DENND2D: variants seen among roughly 807,000 people sequenced by gnomAD.
DENND2D encodes DENN domain containing 2D.
A neutral mutation model predicts 59.8 loss-of-function variants in DENND2D; 37 were observed. The ratio of observed to expected loss-of-function variants is 0.62; its 90% CI spans 0.48 to 0.81. The LOEUF (loss-of-function observed/expected upper bound fraction) is 0.81, where lower values mean the gene tolerates loss of function less well. Among genes scored for constraint, DENND2D ranks in the 40% least tolerant of loss-of-function variants. The pLI is 0.00. For synonymous variants in DENND2D, 219 were observed against 211.3 expected (o/e 1.04, Z -0.31); for missense variants, 525 against 579.7 (o/e 0.91, Z 0.97).
chr1:111,194,522 C>A, intron 7 of DENND2D, 56 bp downstream of exon 7: 1 of 1,599,456 alleles, frequency 6.3e-7, no homozygotes, highest in Non-Finnish European at 8.5e-7. Context: ...CAGTCTGTTC[C>A]CTTGAACCCA....
chr1:111,201,487 G>C (rs879303827), upstream of DENND2D: 1 of 152,330 alleles, frequency 6.6e-6, no homozygotes, highest in African/African-American at 2.4e-5. Flanking sequence ...GCCTTCCTCC[G>C]GGTCAGGCCA....
At chr1:111,198,166 T>C (rs1273957780) in intron 3 of DENND2D, among the ~76,000 whole-genome samples, 177 bp from the exon 4 acceptor site, 1 of 152,196 alleles carries the variant, frequency 6.6e-6, no homozygotes, top group African/African-American at 2.4e-5. Flanking sequence ...TCAAAACAAC[T>C]CTTTGAGGTA....
Position 111,200,299 on chromosome 1 carries a change from T to C in DENND2D, c.67+94A>G, listed in dbSNP as rs1571202182. 26 of 1,508,038 alleles carry C rather than the reference T, an allele frequency of 1.7e-5. No homozygotes were observed. The East Asian group carries it at 4.7e-4, about 28-fold the overall frequency. The allele number at this position is 1,508,038 out of a possible 1,614,324, so 93.4% of individuals were successfully genotyped here. A position where few individuals can be genotyped will look rare whatever the true frequency, so the allele number is the denominator to read the frequency against. ...GGGGAACCATGTGGAGGCCGAGATA[T>C]AAAGGAAGAGGAGGAAGGAGCATTT... is the stretch of plus-strand genomic sequence containing the variant. On this transcript the variant is annotated intron_variant, in intron 1 of 11. Coordinates refer to ENST00000357640, the MANE Select transcript of DENND2D (RefSeq NM_024901.5).
At chr1:111,203,470 G>A (rs778241869), upstream of DENND2D, among the ~76,000 whole-genome samples, 4 of 152,266 alleles carry the variant, frequency 2.6e-5, no homozygotes, top group Non-Finnish European at 5.9e-5. Flanking sequence ...CCATAGGACT[G>A]GCTAGTGGTA....
At chr1:111,196,146 G>C in intron 5 of DENND2D, 90 bp from the exon 6 acceptor site, 1 of 1,470,352 alleles carries the variant, frequency 6.8e-7, no homozygotes, top group Non-Finnish European at 9.0e-7. Flanking sequence ...GCGTCATAAT[G>C]TTCTCATACT....
At chr1:111,187,865 C>G (rs1423897166) in intron 11 of DENND2D, among the ~76,000 whole-genome samples, 184 bp from the exon 12 acceptor site, 1 of 152,184 alleles carries the variant, frequency 6.6e-6, no homozygotes, top group Non-Finnish European at 1.5e-5. Context: ...AGCCCATAAA[C>G]AGAGGATACT....
Position 111,200,508 on chromosome 1 carries a change from A to G in DENND2D, c.-49T>C. On this transcript the variant is annotated 5_prime_UTR_variant, in exon 1 of 12. Coordinates refer to ENST00000357640, the MANE Select transcript of DENND2D (RefSeq NM_024901.5). Reference sequence around the variant, plus strand: ...GACTCCCCTCTCCCCTAACACAGACAGACTGGTGACAGTAAGCCTGAGAAA... The same window carrying G: ...GACTCCCCTCTCCCCTAACACAGACGGACTGGTGACAGTAAGCCTGAGAAA... 9 of 1,571,550 alleles carry G rather than the reference A, an allele frequency of 5.7e-6. No homozygotes were observed. Among genetic ancestry groups the G allele is most frequent in the Non-Finnish European group, 7.8e-6 (9 of 1,158,100 alleles).
rs116821024 is a variant in DENND2D at position 111,196,640 on chromosome 1, C to T, written c.504+536G>A. ...CTGGTCACCAGTGGATGGCATGGCC[C>T]CCATGGATTCTGCTCAAATTCTGTC... On this transcript the variant is annotated intron_variant, in intron 5 of 11. Coordinates refer to ENST00000357640, the MANE Select transcript of DENND2D (RefSeq NM_024901.5). 1,048 of 161,082 alleles carry T rather than the reference C, an allele frequency of 6.5e-3. 2 individuals carry two copies. The highest frequency in any genetic ancestry group is 9.7e-3 in the Non-Finnish European group (706 of 72,456). 10.0% of individuals were successfully genotyped at this position (161,082 alleles called of 1,614,324 possible).
chr1:111,194,780 A>C (rs116006110), intron 6 of DENND2D, 54 bp from the exon 7 acceptor site: 3 of 1,591,172 alleles, frequency 1.9e-6, no homozygotes, highest in Admixed American at 1.7e-5. Context: ...GATCATGCAG[A>C]CCCCGAGGTG....
intron 6 of DENND2D, chr1:111,195,036 T>G (rs566080791): frequency 1.9e-5 from 7 of 363,368 alleles, no homozygotes; most frequent in Non-Finnish European, 2.0e-5. Context: ...GTGAGGGCCC[T>G]CCTCCTGCAC....
Position 111,195,915 on chromosome 1 carries a change from C to T in DENND2D, c.645+1G>A. 1 of 1,614,078 alleles carries T rather than the reference C, an allele frequency of 6.2e-7. No homozygotes were observed. The highest frequency in any genetic ancestry group is 8.5e-7 in the Non-Finnish European group (1 of 1,179,984). The stretch of plus-strand genomic sequence containing the variant: ...AGGTCTCACCCATTTTGCTAACCCA[C>T]CTCAGTGCCTGAGTCGGGGATGAAG... On this transcript the variant is annotated splice_donor_variant, in intron 6 of 11. Coordinates refer to ENST00000357640, the MANE Select transcript of DENND2D (RefSeq NM_024901.5). LOFTEE classifies it high-confidence loss of function.
chr1:111,189,297 T>C, intron 8 of DENND2D, 44 bp from the exon 9 acceptor site: 2 of 1,609,422 alleles, frequency 1.2e-6, no homozygotes, highest in Non-Finnish European at 1.7e-6. Context: ...TCTTTCTTCA[T>C]AGACCCCCAG....
Position 111,189,418 on chromosome 1 carries a change from TC to T in DENND2D, c.973-166del, listed in dbSNP as rs1422105336. 7 of 692,676 alleles carry T rather than the reference TC, an allele frequency of 1.0e-5. No homozygotes were observed. In the East Asian group the frequency reaches 1.4e-4, roughly 14 times the overall value. The allele number at this position is 692,676 out of a possible 1,614,324, so 42.9% of individuals were successfully genotyped here. On this transcript the variant is annotated intron_variant, in intron 8 of 11. Transcript: ENST00000357640. Reference sequence around the variant, plus strand: ...ATCTAGCATTCTCCTTTCTCACCATTCCCCTCTGGAGATCTCAGTTCCATTC... The same window carrying T: ...ATCTAGCATTCTCCTTTCTCACCATTCCCTCTGGAGATCTCAGTTCCATTC...
intron 8 of DENND2D, 145 bp from the exon 9 acceptor site, chr1:111,189,398 G>A: frequency 2.6e-6 from 2 of 772,404 alleles, no homozygotes. Flanking sequence ...TTCCTATCTA[G>A]CATTCTCCTT....
Position 111,188,443 on chromosome 1 carries a change from G to A in DENND2D, c.1100-73C>T. On this transcript the variant is annotated intron_variant, in intron 10 of 11. Coordinates refer to ENST00000357640, the MANE Select transcript of DENND2D (RefSeq NM_024901.5). Reference sequence around the variant, plus strand: ...TTACCCAAACTCACCTTCAAGAATGGCTTTCTTGCAGGCGGAAAGCTCCTG... The same window carrying A: ...TTACCCAAACTCACCTTCAAGAATGACTTTCTTGCAGGCGGAAAGCTCCTG... 18 of 1,573,976 alleles carry A rather than the reference G, an allele frequency of 1.1e-5. 1 individual carries two copies. The highest frequency in any genetic ancestry group is 1.5e-5 in the Non-Finnish European group (17 of 1,158,676).
Position 111,189,238 on chromosome 1 carries a change from G to T in DENND2D, c.988C>A (p.Leu330Ile). 6.2e-7 allele frequency: 1 copy of T among 1,614,182 alleles called. No individual in the cohort carries two copies. The highest frequency in any genetic ancestry group is 8.5e-7 in the Non-Finnish European group (1 of 1,180,026). The change falls in exon 9 of 12, where the codon CTT (leucine) becomes ATT (isoleucine). Residue 330 changes from leucine (L) to isoleucine (I), a missense_variant. This residue lies in a region of DENND2D where 225 missense variants were observed against 252.4 expected (regional missense o/e 0.89). Transcript: ENST00000357640. ...SPMEEVLLVNLCEGTFLMSVG... is the reference protein window; with the variant it reads ...SPMEEVLLVNICEGTFLMSVG... ...GACATTAAGAAGGTTCCTTCACAAA[G>T]ATTGACCAGCAGGACCTGAAATAAA...
At chr1:111,195,524 T>A in intron 6 of DENND2D, 3 of 190,526 alleles carry the variant, frequency 1.6e-5, no homozygotes, top group Non-Finnish European at 3.3e-5. Flanking sequence ...GACTCGGAGG[T>A]GGGGATGGAT....
rs1000435119 is a variant in DENND2D at position 111,200,551 on chromosome 1, C to T, written c.-92G>A. The T allele has an allele frequency of 2.0e-6, 3 of 1,530,854 alleles. No homozygotes were observed. The highest frequency in any genetic ancestry group is 2.6e-6 in the Non-Finnish European group (3 of 1,134,930). 94.8% of individuals were successfully genotyped at this position (1,530,854 alleles called of 1,614,324 possible). A position where few individuals can be genotyped will look rare whatever the true frequency, so the allele number is the denominator to read the frequency against. On this transcript the variant is annotated 5_prime_UTR_variant, in exon 1 of 12. Transcript: ENST00000357640. ...CTGAGAAAGGGGCTGCTTCGGTCTCCAGCCACAACTCTGTGAAGCCAAGCC... is the reference window on the plus strand; with the variant it reads ...CTGAGAAAGGGGCTGCTTCGGTCTCTAGCCACAACTCTGTGAAGCCAAGCC...
At chr1:111,200,069 A>AT in intron 1 of DENND2D, 1 of 572,162 alleles carries the variant, frequency 1.7e-6, no homozygotes, top group Non-Finnish European at 3.1e-6. Flanking sequence ...GGCCACATGG[A>AT]GGCCAAGGCC....
Sources: gnomAD v4.1 joint callset for allele counts (sites outside exome capture counted in the v4.1 genomes callset) on GRCh38, gnomAD v4.1.1 for gene constraint, gnomAD v4.1.1 regional missense constraint, MANE v1.5 for transcripts, NCBI Gene and HGNC (gene_info 2026-07-23, HGNC 2026-07-21) for gene names.